REXO5: variants seen among roughly 807,000 people sequenced by gnomAD.
The protein encoded by REXO5 is RNA exonuclease 5.
REXO5 carries 48 observed loss-of-function variants against 88.5 expected under a neutral mutation model. That is an observed-to-expected ratio of 0.54 (90% CI 0.43 to 0.69). The LOEUF (loss-of-function observed/expected upper bound fraction) is 0.69, where lower values mean the gene tolerates loss of function less well. Among genes scored for constraint, REXO5 ranks in the 30% least tolerant of loss-of-function variants. REXO5 has a pLI of 0.00. For missense variants in REXO5, 749 were observed against 912.2 expected (o/e 0.82, Z 2.30); for synonymous variants, 311 against 336.5 (o/e 0.92, Z 0.83).
At chr16:20,840,556 T>A in intron 15 of REXO5, 88 bp downstream of exon 15, 1 of 1,194,084 alleles carries the variant, frequency 8.4e-7, no homozygotes, top group Non-Finnish European at 1.1e-6. Context: ...CAAATATTCG[T>A]AAAGTAAGCT....
Position 20,844,027 on chromosome 16 carries a change from G to T in REXO5, c.1719+1G>T, listed in dbSNP as rs1198479686. 1 of 1,574,418 alleles carries T rather than the reference G, an allele frequency of 6.4e-7. No homozygotes were observed. The highest frequency in any genetic ancestry group is 8.7e-7 in the Non-Finnish European group (1 of 1,143,878). On this transcript the variant is annotated splice_donor_variant, in intron 16 of 19. Transcript: ENST00000261377. LOFTEE classifies it high-confidence loss of function. Reference sequence around the variant, plus strand: ...TCTGGTAGATGGTATCTGCATCAAGGTAGGGTGACAAGAGAAAGCCCCCTT... The same window carrying T: ...TCTGGTAGATGGTATCTGCATCAAGTTAGGGTGACAAGAGAAAGCCCCCTT...
At chr16:20,815,808 G>A (rs2081073429) in intron 4 of REXO5, among the ~76,000 whole-genome samples, 1 of 152,156 alleles carries the variant, frequency 6.6e-6, no homozygotes, top group Non-Finnish European at 1.5e-5. Context: ...GATGGCAATG[G>A]CATGCTTTCC....
intron 1 of REXO5, 49 bp downstream of exon 1, chr16:20,806,754 TC>T: frequency 9.8e-7 from 1 of 1,022,284 alleles, no homozygotes; most frequent in Non-Finnish European, 1.4e-6. Flanking sequence ...GGCGCGGGTG[TC>T]CAGTCCGCGG....
intron 13 of REXO5, among the ~76,000 whole-genome samples, chr16:20,834,882 A>C (rs1404830066): frequency 6.6e-6 from 1 of 152,184 alleles, no homozygotes; most frequent in Non-Finnish European, 1.5e-5. Context: ...AGTTACAATA[A>C]CTATTTTAAC....
chr16:20,813,345 T>TTTTTTA, intron 3 of REXO5, 43 bp downstream of exon 3: 14 of 127,418 alleles, frequency 1.1e-4, no homozygotes, highest in Non-Finnish European at 2.1e-4. Context: ...CAGCGGTTTC[T>TTTTTTA]TTTTTTTTTT....
intron 5 of REXO5, among the ~76,000 whole-genome samples, chr16:20,821,388 G>T (rs576270210): frequency 6.6e-6 from 1 of 152,256 alleles, no homozygotes; most frequent in African/African-American, 2.4e-5. Flanking sequence ...TCGGGTTCAC[G>T]CCATTCTGCC....
intron 18 of REXO5, 136 bp from the exon 19 acceptor site, chr16:20,846,083 CCA>C (rs1431972005): frequency 5.7e-6 from 4 of 707,206 alleles, no homozygotes; most frequent in Non-Finnish European, 7.4e-6. Flanking sequence ...AGTGTGGGCT[CCA>C]GTGTTAGAAA....
chr16:20,820,026 G>T (rs780222657), intron 5 of REXO5, among the ~76,000 whole-genome samples: 1 of 152,206 alleles, frequency 6.6e-6, no homozygotes, highest in South Asian at 2.1e-4. Context: ...AAATTGCTGG[G>T]ATTACAGGCA....
chr16:20,822,644 T>G (rs950331868), intron 6 of REXO5, among the ~76,000 whole-genome samples: 6 of 152,246 alleles, frequency 3.9e-5, no homozygotes, highest in Non-Finnish European at 7.3e-5. Context: ...TTCTGGGTAT[T>G]TCCTGTAAGT....
chr16:20,822,109 T>G (rs1029498449), intron 6 of REXO5, among the ~76,000 whole-genome samples: 2 of 152,228 alleles, frequency 1.3e-5, no homozygotes, highest in Non-Finnish European at 2.9e-5. Context: ...TGATTTTAGG[T>G]AGTACATGAA....
chr16:20,831,865 A>G lies in REXO5; in HGVS notation c.1159-291A>G, dbSNP rs576562679. The stretch of plus-strand genomic sequence containing the variant: ...CTGACTGTTGGATGAGTGATGAGCC[A>G]AAATTGACATCCTTTTTCAATCAGC... On this transcript the variant is annotated intron_variant, in intron 11 of 19. Coordinates refer to ENST00000261377, the MANE Select transcript of REXO5 (RefSeq NM_030941.3). Among the ~76,000 whole-genome samples, 5 of 151,932 alleles carry G rather than the reference A, an allele frequency of 3.3e-5. No homozygotes were observed. In the East Asian group the frequency reaches 7.7e-4, roughly 23 times the overall value.
chr16:20,820,874 T>C (rs1184714376), intron 5 of REXO5, among the ~76,000 whole-genome samples: 2 of 151,884 alleles, frequency 1.3e-5, no homozygotes, highest in Non-Finnish European at 2.9e-5. Context: ...CAGTTCTTTA[T>C]ATTTTTTAGT....
intron 11 of REXO5, among the ~76,000 whole-genome samples, chr16:20,831,739 T>A (rs953383652): frequency 4.0e-5 from 6 of 151,876 alleles, no homozygotes; most frequent in Admixed American, 3.9e-4. Context: ...ATAGTCTTTT[T>A]AAAAAATTTT....
chr16:20,845,665 C>T (rs1188692165), intron 18 of REXO5, among the ~76,000 whole-genome samples: 1 of 151,930 alleles, frequency 6.6e-6, no homozygotes, highest in East Asian at 1.9e-4. Context: ...TTTGCTAATA[C>T]TTGTTAAAGT....
At chr16:20,821,438 C>T (rs1387666222) in intron 5 of REXO5, among the ~76,000 whole-genome samples, 3 of 152,158 alleles carry the variant, frequency 2.0e-5, no homozygotes, top group African/African-American at 4.8e-5. Context: ...AGGCACCCAC[C>T]ACCACACCCG....
At chr16:20,844,144 T>C in intron 16 of REXO5, 118 bp downstream of exon 16, 1 of 649,716 alleles carries the variant, frequency 1.5e-6, no homozygotes, top group African/African-American at 1.8e-5. Flanking sequence ...GACTTTGTTA[T>C]GGAAAGTCTT....
intron 19 of REXO5, 110 bp from the exon 20 acceptor site, chr16:20,849,289 C>A (rs2081656239): frequency 9.9e-7 from 1 of 1,014,762 alleles, no homozygotes; most frequent in Non-Finnish European, 1.5e-6. Flanking sequence ...CCTGCCCTTG[C>A]CCCATGGCAC....
At chr16:20,838,351 GAA>G (rs2081470463) in intron 13 of REXO5, among the ~76,000 whole-genome samples, 1 of 152,146 alleles carries the variant, frequency 6.6e-6, no homozygotes, top group African/African-American at 2.4e-5. Context: ...ATATTATTGT[GAA>G]AGAGATCTTA....
intron 13 of REXO5, among the ~76,000 whole-genome samples, chr16:20,837,033 C>T (rs1046508314): frequency 4.6e-5 from 7 of 152,146 alleles, no homozygotes; most frequent in African/African-American, 1.4e-4. Context: ...AGTCCTTTAA[C>T]AGATAAGTCT....
Sources: allele counts gnomAD v4.1 joint callset (sites outside exome capture counted in the v4.1 genomes callset), GRCh38; gene constraint gnomAD v4.1.1; transcripts MANE v1.5; gene names NCBI Gene and HGNC (gene_info 2026-07-23, HGNC 2026-07-21).